PRKAR1A: variants seen among roughly 807,000 people sequenced by gnomAD.
PRKAR1A encodes the protein cAMP-dependent protein kinase type I-alpha regulatory subunit.
In PRKAR1A, 3 loss-of-function variants were observed where a neutral mutation model predicts 52.0. The observed-to-expected ratio is 0.06, with a 90% CI of 0.03 to 0.15. The LOEUF (loss-of-function observed/expected upper bound fraction) is 0.15. PRKAR1A is among the 10% of genes least tolerant of loss of function. The probability of loss-of-function intolerance (pLI) is 1.00; values close to 1 mark genes in which losing one functional copy is unlikely to be tolerated. For missense variants in PRKAR1A, 240 were observed against 477.4 expected, an observed-to-expected ratio of 0.50 and a Z score of 4.63; for synonymous variants, 188 against 168.4, an observed-to-expected ratio of 1.12 and a Z score of -0.90.
chr17:68,421,383 T>A, the PRKAR1A span: 1 of 173,050 alleles, frequency 5.8e-6, no homozygotes, highest in African/African-American at 2.4e-5. Flanking sequence ...GCTAAAAGAG[T>A]CTCTCTCTAA....
chr17:68,447,788 C>G, the PRKAR1A span, among the ~76,000 whole-genome samples: 1 of 151,678 alleles, frequency 6.6e-6, no homozygotes, highest in Non-Finnish European at 1.5e-5. Context: ...GTCAGGAGAT[C>G]GAGAACATCC....
At chr17:68,539,232 C>T (rs903537249) in intron 11 of PRKAR1A, 56 of 1,050,798 alleles carry the variant, frequency 5.3e-5, no homozygotes, top group Middle Eastern at 2.0e-4. Flanking sequence ...TACCCACTTA[C>T]GTCCTGGACC....
intron 7 of PRKAR1A, among the ~76,000 whole-genome samples, chr17:68,526,592 TTAGA>T (rs1476864726): frequency 2.0e-5 from 3 of 152,144 alleles, no homozygotes; most frequent in East Asian, 1.9e-4. Context: ...ATAGATTAGA[TTAGA>T]TAGATAGTCT....
At chr17:68,529,627 A>G (rs532254348) in intron 9 of PRKAR1A, among the ~76,000 whole-genome samples, 11 of 152,346 alleles carry the variant, frequency 7.2e-5, no homozygotes, top group Admixed American at 5.2e-4. Flanking sequence ...TGTATGTGGT[A>G]TTTCAGTAAA....
the PRKAR1A span, among the ~76,000 whole-genome samples, chr17:68,418,491 G>A: frequency 2.6e-5 from 4 of 152,264 alleles, no homozygotes; most frequent in South Asian, 8.3e-4. Context: ...TCAGCCACAG[G>A]TGGAAAACCA....
At chr17:68,488,665 G>C in the PRKAR1A span, among the ~76,000 whole-genome samples, 1 of 151,260 alleles carries the variant, frequency 6.6e-6, no homozygotes. Flanking sequence ...GGGAGGCAGA[G>C]GTTGCAGTGA....
downstream of PRKAR1A, chr17:68,537,611 G>C (rs2086131863): frequency 6.2e-7 from 1 of 1,613,702 alleles, no homozygotes. This position sits in a 1 kb window ranked among gnomAD's most constrained non-coding sequence, Gnocchi z 4.2. Context: ...CTTCGATCCA[G>C]GGCAAGGAGG....
In PRKAR1A at chr17:68,531,041, A is replaced by AGTT; in HGVS notation, c.*599_*601dup. ...ATTGGTTCAGTTTTTTTTTTTCCAG[A>AGTT]GTTGTTGTTTGCCAAGCTAATCTGC... On this transcript the variant is annotated 3_prime_UTR_variant, in exon 11 of 11. Transcript: ENST00000589228. The AGTT allele has an allele frequency of 9.4e-7, 1 of 1,067,362 alleles. No homozygotes were observed. Among genetic ancestry groups the AGTT allele is most frequent in the Non-Finnish European group, 1.1e-6 (1 of 880,978 alleles). 66.1% of individuals were successfully genotyped at this position (1,067,362 alleles called of 1,614,324 possible). A position where few individuals can be genotyped will look rare whatever the true frequency, so the allele number is the denominator to read the frequency against.
Position 68,529,917 on chromosome 17 carries a change from T to C in PRKAR1A, c.892-3T>C. 2 of 1,613,974 alleles carry C rather than the reference T, an allele frequency of 1.2e-6. No individual in the cohort carries two copies. The highest frequency in any genetic ancestry group is 1.1e-5 in the South Asian group (1 of 91,076). ...GTTTAGCTTTTTGGTGATTTTATTA[T>C]AGGGGTCAGCTGCTGTGCTACAACG... On this transcript the variant is annotated splice_polypyrimidine_tract_variant and splice_region_variant and intron_variant, in intron 9 of 10. Coordinates refer to ENST00000589228, the MANE Select transcript of PRKAR1A (RefSeq NM_002734.5).
chr17:68,499,000 G>A, the PRKAR1A span, among the ~76,000 whole-genome samples: 2 of 152,096 alleles, frequency 1.3e-5, no homozygotes, highest in Non-Finnish European at 2.9e-5. Flanking sequence ...TCTGTATGCC[G>A]GAGTTTCCTT....
At chr17:68,547,546 T>A (rs907932731) in intron 11 of PRKAR1A, among the ~76,000 whole-genome samples, 2 of 152,242 alleles carry the variant, frequency 1.3e-5, no homozygotes, top group African/African-American at 4.8e-5. Context: ...ACTTACTGCT[T>A]CACCTTGTAC....
downstream of PRKAR1A, chr17:68,536,814 T>C (rs576982595): frequency 1.3e-5 from 6 of 454,160 alleles, no homozygotes; most frequent in African/African-American, 1.2e-4. Flanking sequence ...TCAATTGTAA[T>C]ACTCTTCAAA....
chr17:68,525,683 GT>G, intron 6 of PRKAR1A, 70 bp from the exon 7 acceptor site: 1 of 1,523,666 alleles, frequency 6.6e-7, no homozygotes, highest in South Asian at 1.1e-5. Flanking sequence ...TTTTAAAAAG[GT>G]TTGAGGGTTT....
At chr17:68,524,774 C>A in intron 5 of PRKAR1A, 138 bp from the exon 6 acceptor site, 1 of 723,050 alleles carries the variant, frequency 1.4e-6, no homozygotes, top group Non-Finnish European at 2.4e-6. Context: ...GCTTGATTTT[C>A]TTTCCCCTGA....
chr17:68,537,188 C>A (rs1441671707), downstream of PRKAR1A: 2 of 589,060 alleles, frequency 3.4e-6, no homozygotes, highest in Non-Finnish European at 6.3e-6. This position sits in a 1 kb window ranked among gnomAD's most constrained non-coding sequence, Gnocchi z 4.2. Flanking sequence ...GGCTGCCAAG[C>A]CTGACCTATA....
At chr17:68,469,696 C>A in the PRKAR1A span, among the ~76,000 whole-genome samples, 1 of 151,826 alleles carries the variant, frequency 6.6e-6, no homozygotes, top group African/African-American at 2.4e-5. Context: ...GGCTCTCAAG[C>A]TTTTGGATGC....
the PRKAR1A span, among the ~76,000 whole-genome samples, chr17:68,499,368 A>AAGAGAGAGAG: frequency 8.4e-3 from 1,185 of 140,382 alleles, 18 homozygotes; most frequent in East Asian, 0.068. Flanking sequence ...AAGGGAGGAA[A>AAGAGAGAGAG]AGAGAGAGAG....
chr17:68,528,778 T>A (rs896383513), intron 8 of PRKAR1A, 92 bp from the exon 9 acceptor site: 3 of 1,507,444 alleles, frequency 2.0e-6, no homozygotes, highest in Admixed American at 1.7e-5. Context: ...TGAATGGGCA[T>A]GGCTATTTGG....
chr17:68,486,502 CTT>C, the PRKAR1A span, among the ~76,000 whole-genome samples: 23 of 43,360 alleles, frequency 5.3e-4, 1 homozygote, highest in South Asian at 3.2e-3. Flanking sequence ...TCCTTCCTTC[CTT>C]CCTTCTTTCT....
Sources: allele counts gnomAD v4.1 joint callset (sites outside exome capture counted in the v4.1 genomes callset), GRCh38; gene constraint gnomAD v4.1.1; non-coding constraint Gnocchi (gnomAD v3.1); transcripts MANE v1.5; gene names NCBI Gene and HGNC (gene_info 2026-07-23, HGNC 2026-07-21).